The following STAU2 variants were observed in gnomAD, a reference collection of about 807,000 sequenced individuals.
STAU2 encodes the protein staufen double-stranded RNA binding protein 2.
A neutral mutation model predicts 65.9 loss-of-function variants in STAU2; 20 were observed. The observed-to-expected ratio is 0.30, with a 90% CI of 0.21 to 0.44. The LOEUF (loss-of-function observed/expected upper bound fraction) is 0.44. Ranked by LOEUF, STAU2 falls within the 20% of genes least tolerant of loss-of-function variation. STAU2 has a pLI of 1.00. For synonymous variants in STAU2, 232 were observed against 233.9 expected, an observed-to-expected ratio of 0.99 and a Z score of 0.07; for missense variants, 558 against 683.9, an observed-to-expected ratio of 0.82 and a Z score of 2.05.
intron 6 of STAU2, among the ~76,000 whole-genome samples, chr8:73,645,340 A>G (rs1231271911): frequency 3.9e-5 from 6 of 152,218 alleles, no homozygotes; most frequent in African/African-American, 1.4e-4. Context: ...AAAATGAGAA[A>G]TCATATGATC....
intron 6 of STAU2, among the ~76,000 whole-genome samples, chr8:73,657,886 C>T (rs1301657084): frequency 6.6e-6 from 1 of 151,868 alleles, no homozygotes; most frequent in African/African-American, 2.4e-5. Context: ...TGGTGGCGCA[C>T]ACCTGTAATC....
intron 13 of STAU2, among the ~76,000 whole-genome samples, chr8:73,458,386 T>C (rs1819179274): frequency 6.6e-6 from 1 of 152,262 alleles, no homozygotes; most frequent in Non-Finnish European, 1.5e-5. Context: ...AAACACCTTT[T>C]TACTTTATCA....
At chr8:73,559,163 G>C (rs1218883384) in intron 12 of STAU2, among the ~76,000 whole-genome samples, 1 of 152,196 alleles carries the variant, frequency 6.6e-6, no homozygotes, top group East Asian at 1.9e-4. Flanking sequence ...AGTTATATAA[G>C]ACATCACCAC....
chr8:73,688,898 T>A, intron 4 of STAU2, 85 bp from the exon 5 acceptor site: 1 of 1,496,630 alleles, frequency 6.7e-7, no homozygotes, highest in South Asian at 1.2e-5. Flanking sequence ...ATAAACATCA[T>A]AGAATCAGAA....
rs3032943 is a variant in STAU2, at chr8:73,495,662, A to AATATATATATAT, written c.1530+56338_1530+56349dup. The stretch of plus-strand genomic sequence containing the variant: ...CTCTAAGGAATGATTCATAAAGCCA[A>AATATATATATAT]ATATATATATATATATATATATATA... On this transcript the variant is annotated intron_variant, in intron 13 of 14. Transcript: ENST00000524300. Among the ~76,000 whole-genome samples the AATATATATATAT allele has an allele frequency of 8.3e-3, 1,096 of 132,422 alleles. 24 individuals are homozygous for AATATATATATAT. The highest frequency in any genetic ancestry group is 0.048 in the East Asian group (181 of 3,750). The allele number at this position is 132,422 out of a possible 152,430, so 86.9% of individuals were successfully genotyped here.
intron 5 of STAU2, among the ~76,000 whole-genome samples, chr8:73,679,978 A>ATTTTTTTTTTT (rs1160379353): frequency 1.2e-5 from 1 of 81,368 alleles, no homozygotes; most frequent in Non-Finnish European, 2.2e-5. Flanking sequence ...TAGGGAAGCC[A>ATTTTTTTTTTT]TTTTTTTTTT....
chr8:73,474,361 T>C (rs1000642171), intron 13 of STAU2, among the ~76,000 whole-genome samples: 2 of 152,182 alleles, frequency 1.3e-5, no homozygotes, highest in African/African-American at 4.8e-5. Context: ...GTTTGGGGGA[T>C]GGGTTACTTC....
chr8:73,557,594 C>T (rs1260289516), intron 12 of STAU2, among the ~76,000 whole-genome samples: 2 of 152,174 alleles, frequency 1.3e-5, no homozygotes, highest in Non-Finnish European at 2.9e-5. Context: ...TCCCACAACA[C>T]GTTTCAGTTA....
chr8:73,570,709 T>C (rs548258118), intron 12 of STAU2, among the ~76,000 whole-genome samples: 1 of 152,240 alleles, frequency 6.6e-6, no homozygotes, highest in Admixed American at 6.5e-5. Context: ...AGAAAGGTCA[T>C]GTTACCCATA....
intron 6 of STAU2, among the ~76,000 whole-genome samples, chr8:73,659,910 G>T (rs1816700326): frequency 6.6e-6 from 1 of 152,072 alleles, no homozygotes; most frequent in African/African-American, 2.4e-5. Context: ...CAACAAACTT[G>T]AGGGGAGAAA....
At chr8:73,685,519 G>A (rs1386906716) in intron 5 of STAU2, among the ~76,000 whole-genome samples, 1 of 151,846 alleles carries the variant, frequency 6.6e-6, no homozygotes, top group East Asian at 1.9e-4. Flanking sequence ...TGGGACTACA[G>A]GGGCCCGCCA....
chr8:73,423,265 G>A (rs1373792067), intron 13 of STAU2, among the ~76,000 whole-genome samples: 1 of 152,330 alleles, frequency 6.6e-6, no homozygotes, highest in Non-Finnish European at 1.5e-5. Flanking sequence ...GTTCTGGGGA[G>A]GCAGGCCTGC....
chr8:73,636,543 A>G (rs1814527899), intron 6 of STAU2, among the ~76,000 whole-genome samples: 1 of 152,082 alleles, frequency 6.6e-6, no homozygotes, highest in South Asian at 2.1e-4. Flanking sequence ...GCAGAAAACT[A>G]CCCTGAAATG....
At position 73,738,405 on chromosome 8, in the gene STAU2, G is replaced by C. The variant is rs72661806; in HGVS notation, c.-83-56C>G. On this transcript the variant is annotated intron_variant, in intron 2 of 14. Transcript: ENST00000524300. Reference sequence around the variant, plus strand: ...AACTTAGCTGATAACCTCAATGACTGGTATTTTAAACACATGCCCTTGATC... The same window carrying C: ...AACTTAGCTGATAACCTCAATGACTCGTATTTTAAACACATGCCCTTGATC... 7.4e-5 allele frequency: 94 copies of C among 1,274,986 alleles called. 1 individual carries two copies. Among genetic ancestry groups the C allele is most frequent in the Non-Finnish European group, 9.7e-5 (89 of 914,364 alleles). The allele number at this position is 1,274,986 out of a possible 1,614,324, so 79.0% of individuals were successfully genotyped here.
chr8:73,615,572 A>G (rs1416593445), intron 8 of STAU2, 103 bp downstream of exon 8: 23 of 796,316 alleles, frequency 2.9e-5, no homozygotes, highest in Non-Finnish European at 4.8e-5. Flanking sequence ...ATATAGAAGC[A>G]CACTAACTCT....
chr8:73,552,143 C>T lies in STAU2; in HGVS notation c.1399G>A (p.Glu467Lys), dbSNP rs1462050877. 1 of 1,613,878 alleles carries T rather than the reference C, an allele frequency of 6.2e-7. No individual in the cohort carries two copies. Among genetic ancestry groups the T allele is most frequent in the South Asian group, 1.1e-5 (1 of 91,050 alleles). The change falls in exon 13 of 15, where the codon GAA (glutamate) becomes AAA (lysine). Residue 467 changes from glutamate (E) to lysine (K), a missense_variant. Coordinates refer to ENST00000524300, the MANE Select transcript of STAU2 (RefSeq NM_001164380.2). The part of the protein sequence containing the change: ...TSNSSATIAR[E>K]LLMNGTSSTA... The stretch of plus-strand genomic sequence containing the variant: ...GAAGATGTTCCATTCATAAGGAGTT[C>T]CCTGGCAATTGTAGCTGAACTATTC...
intron 13 of STAU2, among the ~76,000 whole-genome samples, chr8:73,524,137 T>C (rs1239708356): frequency 6.6e-6 from 1 of 152,094 alleles, no homozygotes; most frequent in Admixed American, 6.6e-5. Context: ...GGGTTAAAAA[T>C]GATAGGGACT....
chr8:73,693,892 C>T (rs1364990963), intron 4 of STAU2, among the ~76,000 whole-genome samples: 4 of 152,184 alleles, frequency 2.6e-5, no homozygotes, highest in Non-Finnish European at 5.9e-5. Context: ...GGTGTAAACA[C>T]CCCCACTTGA....
At chr8:73,575,714 A>G (rs1255674296) in intron 12 of STAU2, among the ~76,000 whole-genome samples, 1 of 152,152 alleles carries the variant, frequency 6.6e-6, no homozygotes, top group Non-Finnish European at 1.5e-5. Flanking sequence ...AGGGGATTGA[A>G]TAATATATAT....
Sources: gnomAD v4.1 joint callset for allele counts (sites outside exome capture counted in the v4.1 genomes callset) on GRCh38, gnomAD v4.1.1 for gene constraint, MANE v1.5 for transcripts, NCBI Gene and HGNC (gene_info 2026-07-23, HGNC 2026-07-21) for gene names.